Variants in PLA2G4C observed in about 807,000 individuals in gnomAD.
PLA2G4C encodes the protein cytosolic phospholipase A2 gamma.
Under a neutral mutation model 73.8 loss-of-function variants are expected in PLA2G4C, and 64 were observed. The ratio of observed to expected loss-of-function variants is 0.87; its 90% CI spans 0.71 to 1.07. The LOEUF is 1.07. Ranked by LOEUF, PLA2G4C falls within the 50% of genes least tolerant of loss-of-function variation. PLA2G4C has a pLI of 0.00. For synonymous variants in PLA2G4C, 254 were observed against 252.1 expected (o/e 1.01, Z -0.07); for missense variants, 622 against 665.4 (o/e 0.93, Z 0.72).
chr19:48,103,680 G>A (rs1174887272), intron 4 of PLA2G4C, among the ~76,000 whole-genome samples: 2 of 152,092 alleles, frequency 1.3e-5, no homozygotes, highest in South Asian at 4.1e-4. Flanking sequence ...AGTCCTACAC[G>A]GATTAATGCA....
At chr19:48,065,620 T>A (rs1362381554) in intron 13 of PLA2G4C, among the ~76,000 whole-genome samples, 1 of 151,482 alleles carries the variant, frequency 6.6e-6, no homozygotes, top group African/African-American at 2.4e-5. Flanking sequence ...TAAAAATAAT[T>A]AATAAATAAA....
At chr19:48,089,811 C>T (rs113303477) in intron 8 of PLA2G4C, among the ~76,000 whole-genome samples, 3,090 of 152,198 alleles carry the variant, frequency 0.02, 107 homozygotes, top group African/African-American at 0.069. Context: ...AGAGATCCAC[C>T]ACCCAGTTCT....
intron 6 of PLA2G4C, 67 bp downstream of exon 6, chr19:48,098,072 T>G: frequency 6.5e-7 from 1 of 1,541,426 alleles, no homozygotes; most frequent in Non-Finnish European, 8.8e-7. Flanking sequence ...CAGGGAAACA[T>G]TCTTCCATTC....
chr19:48,048,913 G>A, intron 16 of PLA2G4C, among the ~76,000 whole-genome samples: 1 of 152,164 alleles, frequency 6.6e-6, no homozygotes, highest in East Asian at 1.9e-4. Context: ...TCATGAATGG[G>A]TTGGTGCCTT....
At chr19:48,052,491 T>C (rs1017447180) in intron 16 of PLA2G4C, among the ~76,000 whole-genome samples, 1 of 152,120 alleles carries the variant, frequency 6.6e-6, no homozygotes, top group African/African-American at 2.4e-5. Flanking sequence ...CCTTCCACCA[T>C]GATTGTAAGT....
chr19:48,054,451 G>A (rs1291573435), intron 15 of PLA2G4C, among the ~76,000 whole-genome samples: 7 of 151,652 alleles, frequency 4.6e-5, no homozygotes, highest in East Asian at 1.9e-4. Context: ...TTACAGGCAC[G>A]CACCACCAAG....
intron 7 of PLA2G4C, among the ~76,000 whole-genome samples, chr19:48,094,197 C>T (rs1358991241): frequency 1.3e-5 from 2 of 152,184 alleles, no homozygotes; most frequent in African/African-American, 2.4e-5. Context: ...CTGTCAGAAG[C>T]TCTGACCACC....
intron 9 of PLA2G4C, among the ~76,000 whole-genome samples, chr19:48,086,413 A>G (rs936782029): frequency 6.6e-6 from 1 of 152,118 alleles, no homozygotes. Context: ...TTATCAGCAC[A>G]TGGGTCTGAA....
intron 14 of PLA2G4C, chr19:48,061,394 G>A (rs1968163883): frequency 1.3e-5 from 2 of 153,426 alleles, no homozygotes; most frequent in South Asian, 2.0e-4. Context: ...AACAACTCCT[G>A]GTGGAGCCAT....
At position 48,074,889 on chromosome 19, in the gene PLA2G4C, C is replaced by T. The variant is rs2030036156; in HGVS notation, c.899-15G>A. The T allele has an allele frequency of 4.5e-6, 7 of 1,556,804 alleles. No individual in the cohort carries two copies. Among genetic ancestry groups the T allele is most frequent in the South Asian group, 3.5e-5 (3 of 84,776 alleles). On this transcript the variant is annotated splice_polypyrimidine_tract_variant and intron_variant, in intron 11 of 16. Coordinates refer to ENST00000599921, the MANE Select transcript of PLA2G4C (RefSeq NM_003706.3). ...ACCGCCTTCATCTACGTCAAGAAATCCAGGTGGTCTCAGACACTGTCCAAG... is the reference window on the plus strand; with the variant it reads ...ACCGCCTTCATCTACGTCAAGAAATTCAGGTGGTCTCAGACACTGTCCAAG...
At chr19:48,090,180 C>G (rs1333719378) in intron 8 of PLA2G4C, 184 bp downstream of exon 8, 2 of 591,100 alleles carry the variant, frequency 3.4e-6, no homozygotes, top group African/African-American at 3.7e-5. Context: ...CCAAGGGAGT[C>G]TGTACTCTCA....
At chr19:48,103,521 TCA>T (rs67841392) in intron 4 of PLA2G4C, 27,378 of 152,064 alleles carry the variant, frequency 0.18, 5,075 homozygotes, top group African/African-American at 0.47. Flanking sequence ...CCTGCCTATC[TCA>T]CACTCGAGCC....
At chr19:48,075,175 T>G (rs1008569680) in intron 11 of PLA2G4C, among the ~76,000 whole-genome samples, 29 of 150,434 alleles carry the variant, frequency 1.9e-4, no homozygotes, top group Middle Eastern at 3.2e-3. Flanking sequence ...TATTTATTTA[T>G]TTATTTATTT....
chr19:48,104,661 C>T lies in PLA2G4C; in HGVS notation c.184G>A (p.Val62Ile). The T allele has an allele frequency of 6.2e-7, 1 of 1,614,070 alleles. No homozygotes were observed. Among genetic ancestry groups the T allele is most frequent in the Non-Finnish European group, 8.5e-7 (1 of 1,179,980 alleles). ...CCCTGTTCTTTCATCTCACTCAGGA[C>T]CCCAAGGCAGGCAATGTGAGCCCGC... ...GLRAHIACLG[V>I]LSEMKEQGLL... The change falls in exon 4 of 17, where the codon GTC becomes ATC. Residue 62 changes from valine to isoleucine, a missense_variant. By Grantham distance (29) the Val-to-Ile change is conservative (BLOSUM62 3). Transcript: ENST00000599921.
intron 7 of PLA2G4C, among the ~76,000 whole-genome samples, chr19:48,091,035 T>C (rs2031267756): frequency 6.6e-6 from 1 of 151,552 alleles, no homozygotes; most frequent in Non-Finnish European, 1.5e-5. Flanking sequence ...TGCAGCTTCA[T>C]TGGATGCAGC....
Position 48,061,998 on chromosome 19 carries a change from CTCGAAAGGA to C in PLA2G4C, c.1248_1256del (p.Asp416_Phe418del), listed in dbSNP as rs1457809111. 19 of 1,613,800 alleles carry C rather than the reference CTCGAAAGGA, an allele frequency of 1.2e-5. No individual in the cohort carries two copies. Among genetic ancestry groups the C allele is most frequent in the Non-Finnish European group, 1.6e-5 (19 of 1,179,938 alleles). The stretch of plus-strand genomic sequence containing the variant: ...CGGCCCCAAAGCCCTTCTCGATTAC[CTCGAAAGGA>C]TCTCCGGCACTGAAGTCGAAGGAGA... On this transcript the variant is annotated inframe_deletion and splice_region_variant, in exon 14 of 17. Coordinates refer to ENST00000599921, the MANE Select transcript of PLA2G4C (RefSeq NM_003706.3).
At chr19:48,057,640 C>A (rs1968007388) in intron 14 of PLA2G4C, among the ~76,000 whole-genome samples, 2 of 150,336 alleles carry the variant, frequency 1.3e-5, no homozygotes, top group African/African-American at 2.4e-5. Flanking sequence ...CAGGCACGTG[C>A]CACCATGCCT....
intron 11 of PLA2G4C, 136 bp downstream of exon 11, chr19:48,077,635 G>A: frequency 1.7e-6 from 1 of 589,530 alleles, no homozygotes; most frequent in South Asian, 2.9e-5. Flanking sequence ...GCACCTGGGA[G>A]AGTCCATGCT....
At position 48,073,988 on chromosome 19, in the gene PLA2G4C, AATTTT is replaced by A. The variant is rs200456395; in HGVS notation, c.1006+774_1006+778del. On this transcript the variant is annotated intron_variant, in intron 12 of 16. Coordinates refer to ENST00000599921, the MANE Select transcript of PLA2G4C (RefSeq NM_003706.3). ...CTTTTAATTTAATTTAATTTAATTT[AATTTT>A]AAGTTCCGGGACACATGTGCAGGAC... 5.8e-3 allele frequency among the ~76,000 whole-genome samples: 877 copies of A among 152,112 alleles called. 7 individuals carry two copies. Among genetic ancestry groups the A allele is most frequent in the African/African-American group, 0.02 (841 of 41,504 alleles).
Sources: allele counts gnomAD v4.1 joint callset (sites outside exome capture counted in the v4.1 genomes callset), GRCh38; gene constraint gnomAD v4.1.1; transcripts MANE v1.5; gene names NCBI Gene and HGNC (gene_info 2026-07-23, HGNC 2026-07-21).